Variants in GPHN observed in about 807,000 individuals in gnomAD.
GPHN encodes the protein gephyrin.
Under a neutral mutation model 95.5 loss-of-function variants are expected in GPHN, and 17 were observed. The ratio of observed to expected loss-of-function variants is 0.18; its 90% CI spans 0.12 to 0.27. The LOEUF is 0.27. Among genes scored for constraint, GPHN ranks in the 10% least tolerant of loss-of-function variants. The probability of loss-of-function intolerance (pLI) is 1.00; values close to 1 mark genes in which losing one functional copy is unlikely to be tolerated. For missense variants in GPHN, 660 were observed against 978.1 expected (o/e 0.67, Z 4.34); for synonymous variants, 320 against 322.5 (o/e 0.99, Z 0.08).
chr14:67,030,206 G>A (rs529168299), intron 10 of GPHN, among the ~76,000 whole-genome samples: 108 of 151,532 alleles, frequency 7.1e-4, no homozygotes, highest in African/African-American at 2.5e-3. Flanking sequence ...TATTACACAA[G>A]TATCTCATAC....
chr14:66,540,233 GA>G (rs2059308560), intron 1 of GPHN, among the ~76,000 whole-genome samples: 1 of 152,056 alleles, frequency 6.6e-6, no homozygotes. Flanking sequence ...GTAACAGAGG[GA>G]AAAAAGAAAA....
chr14:67,650,068 A>G, the GPHN span: 1 of 152,428 alleles, frequency 6.6e-6, no homozygotes, highest in Non-Finnish European at 1.5e-5. Context: ...AATAATTAAC[A>G]TATGGCTGAA....
At chr14:67,285,681 T>C in the GPHN span, among the ~76,000 whole-genome samples, 1 of 152,250 alleles carries the variant, frequency 6.6e-6, no homozygotes, top group African/African-American at 2.4e-5. Flanking sequence ...TTAGGTAATT[T>C]TAATGTTTAC....
the GPHN span, among the ~76,000 whole-genome samples, chr14:67,306,531 G>GTGTGTGTA: frequency 6.0e-4 from 90 of 151,238 alleles, no homozygotes; most frequent in Middle Eastern, 3.5e-3. Context: ...GTGTGTGTGT[G>GTGTGTGTA]TGTGTTTGTG....
chr14:67,289,768 C>CTT, the GPHN span, among the ~76,000 whole-genome samples: 825 of 95,376 alleles, frequency 8.6e-3, 50 homozygotes, highest in Non-Finnish European at 0.011. Context: ...TTTTCCATGT[C>CTT]CTTTTTTTTT....
chr14:66,534,397 C>T (rs922320829), intron 1 of GPHN, among the ~76,000 whole-genome samples: 6 of 152,024 alleles, frequency 3.9e-5, no homozygotes, highest in African/African-American at 7.2e-5. Context: ...TGACTTCTTT[C>T]GTTTATTATG....
chr14:67,726,908 T>G, the GPHN span: 4 of 1,344,392 alleles, frequency 3.0e-6, no homozygotes, highest in Admixed American at 3.4e-5. Context: ...AACACTGAAG[T>G]CCTCTTGGCT....
At chr14:66,794,492 G>A (rs911109013) in intron 3 of GPHN, among the ~76,000 whole-genome samples, 3 of 152,038 alleles carry the variant, frequency 2.0e-5, no homozygotes, top group Admixed American at 2.0e-4. Flanking sequence ...AGCAATATGA[G>A]AATGGACAAA....
At chr14:66,884,650 G>A (rs1421847462) in intron 5 of GPHN, among the ~76,000 whole-genome samples, 7 of 151,512 alleles carry the variant, frequency 4.6e-5, no homozygotes, top group Middle Eastern at 3.4e-3. Context: ...AACCACTGTG[G>A]TTATACACTG....
chr14:66,768,433 C>T (rs975346278), intron 2 of GPHN, among the ~76,000 whole-genome samples: 7 of 151,888 alleles, frequency 4.6e-5, no homozygotes, highest in African/African-American at 1.4e-4. Context: ...ATTCTAAACA[C>T]TAGGCCAAGT....
chr14:67,360,025 A>G, the GPHN span: 1 of 510,600 alleles, frequency 2.0e-6, no homozygotes, highest in Non-Finnish European at 3.5e-6. Flanking sequence ...GCCAGGCCAA[A>G]GACTAGGAGC....
intron 2 of GPHN, among the ~76,000 whole-genome samples, chr14:66,701,873 C>T (rs1384693799): frequency 2.0e-5 from 3 of 152,190 alleles, no homozygotes; most frequent in Non-Finnish European, 2.9e-5. Context: ...CTGAGACTCA[C>T]GACTGCCTAG....
At chr14:66,542,110 TC>T (rs1461385103) in intron 1 of GPHN, among the ~76,000 whole-genome samples, 2 of 152,182 alleles carry the variant, frequency 1.3e-5, no homozygotes, top group African/African-American at 4.8e-5. Flanking sequence ...CTCACTTAAG[TC>T]CAGCTTAAAT....
chr14:67,367,454 C>T, the GPHN span, among the ~76,000 whole-genome samples: 1 of 149,594 alleles, frequency 6.7e-6, no homozygotes, highest in Non-Finnish European at 1.5e-5. Flanking sequence ...TGGTCTTGAT[C>T]TCCTGACCTT....
chr14:66,612,426 T>G (rs2062822494), intron 1 of GPHN, among the ~76,000 whole-genome samples: 1 of 152,004 alleles, frequency 6.6e-6, no homozygotes, highest in Non-Finnish European at 1.5e-5. Context: ...TTTGGAAAAT[T>G]TAGGGACTAT....
intron 1 of GPHN, among the ~76,000 whole-genome samples, chr14:66,623,261 C>T (rs748568046): frequency 1.3e-5 from 2 of 151,948 alleles, no homozygotes; most frequent in South Asian, 2.1e-4. Context: ...GGACAGCACA[C>T]GAAAGACCCA....
the GPHN span, among the ~76,000 whole-genome samples, chr14:67,523,488 A>G: frequency 3.3e-5 from 5 of 152,224 alleles, no homozygotes; most frequent in African/African-American, 1.2e-4. Flanking sequence ...AAAGAATGAA[A>G]CCTAGGCATT....
At chr14:66,959,247 G>C (rs1045890963) in intron 8 of GPHN, among the ~76,000 whole-genome samples, 2 of 151,946 alleles carry the variant, frequency 1.3e-5, no homozygotes, top group Non-Finnish European at 2.9e-5. Context: ...ATATACGTGA[G>C]ATACGACTGA....
At chr14:67,288,474 T>C in the GPHN span, among the ~76,000 whole-genome samples, 1 of 152,170 alleles carries the variant, frequency 6.6e-6, no homozygotes, top group Non-Finnish European at 1.5e-5. Flanking sequence ...GGAAGATTTC[T>C]TGACGCCAGG....
Sources: gnomAD v4.1 joint callset for allele counts (sites outside exome capture counted in the v4.1 genomes callset) on GRCh38, gnomAD v4.1.1 for gene constraint, MANE v1.5 for transcripts, NCBI Gene and HGNC (gene_info 2026-07-23, HGNC 2026-07-21) for gene names.